Variants in GRIN2B observed in about 807,000 individuals in gnomAD.
GRIN2B encodes glutamate ionotropic receptor NMDA type subunit 2B.
Under a neutral mutation model 114.5 loss-of-function variants are expected in GRIN2B, and 5 were observed. The ratio of observed to expected loss-of-function variants is 0.04; its 90% CI spans 0.02 to 0.09. GRIN2B has a LOEUF of 0.09. Among genes scored for constraint, GRIN2B ranks in the 10% least tolerant of loss-of-function variants. GRIN2B has a pLI of 1.00. For missense variants in GRIN2B, 1,108 were observed against 1,943.5 expected (o/e 0.57, Z 8.08); for synonymous variants, 787 against 745.1 (o/e 1.06, Z -0.92).
In GRIN2B at chr12:13,961,196, A is replaced by G. The variant is rs113200004; in HGVS notation, c.-19+18732T>C. Reference sequence around the variant, plus strand: ...AAGCTGAATTCCAGTTCGAGGAAACAGAGTGGCAGGGGAGGGAAGGAAGGG... The same window carrying G: ...AAGCTGAATTCCAGTTCGAGGAAACGGAGTGGCAGGGGAGGGAAGGAAGGG... On this transcript the variant is annotated intron_variant, in intron 2 of 13. Coordinates refer to ENST00000609686, the MANE Select transcript of GRIN2B (RefSeq NM_000834.5). Among the ~76,000 whole-genome samples the G allele has an allele frequency of 2.6e-3, 392 of 152,242 alleles. 3 individuals are homozygous for G. The highest frequency in any genetic ancestry group is 9.1e-3 in the African/African-American group (376 of 41,532).
chr12:13,896,519 C>T (rs1002584132), intron 2 of GRIN2B, among the ~76,000 whole-genome samples: 2 of 152,138 alleles, frequency 1.3e-5, no homozygotes, highest in Admixed American at 6.5e-5. Context: ...GCCATAGTGG[C>T]GCCTGTAACG....
chr12:13,711,444 C>T (rs1464853305), intron 4 of GRIN2B, among the ~76,000 whole-genome samples: 1 of 152,034 alleles, frequency 6.6e-6, no homozygotes, highest in Non-Finnish European at 1.5e-5. Flanking sequence ...AACAGGCAAC[C>T]TACAGAATGG....
chr12:13,634,388 C>T (rs1189590291), intron 5 of GRIN2B: 4 of 152,186 alleles, frequency 2.6e-5, no homozygotes, highest in African/African-American at 9.7e-5. Flanking sequence ...ATTTCTAGCT[C>T]GTGTAACCAC....
At chr12:13,930,759 A>G (rs1045404351) in intron 2 of GRIN2B, among the ~76,000 whole-genome samples, 1 of 152,206 alleles carries the variant, frequency 6.6e-6, no homozygotes, top group African/African-American at 2.4e-5. Flanking sequence ...AGACCTTGGC[A>G]AGCCAAATCA....
At chr12:13,931,122 C>T (rs551038188) in intron 2 of GRIN2B, among the ~76,000 whole-genome samples, 1 of 152,190 alleles carries the variant, frequency 6.6e-6, no homozygotes, top group Admixed American at 6.5e-5. Context: ...GTGGTTTGAA[C>T]AGAAAAAATA....
intron 2 of GRIN2B, among the ~76,000 whole-genome samples, chr12:13,956,379 T>C (rs1030731435): frequency 6.6e-6 from 1 of 152,220 alleles, no homozygotes; most frequent in Non-Finnish European, 1.5e-5. Context: ...AGATCTCTGA[T>C]TTAAATGACA....
chr12:13,736,886 T>C (rs1863192889), intron 4 of GRIN2B, among the ~76,000 whole-genome samples: 2 of 151,626 alleles, frequency 1.3e-5, no homozygotes, highest in South Asian at 4.2e-4. Flanking sequence ...CCGGGCGTGG[T>C]GGTGCGTGCC....
chr12:13,791,320 C>T (rs770762618), intron 3 of GRIN2B, among the ~76,000 whole-genome samples: 17 of 151,706 alleles, frequency 1.1e-4, no homozygotes, highest in Admixed American at 1.3e-4. Context: ...GGTGTGGTGG[C>T]GGGCGCCTGT....
intron 3 of GRIN2B, among the ~76,000 whole-genome samples, chr12:13,789,201 C>T (rs1864274510): frequency 1.3e-5 from 2 of 152,192 alleles, no homozygotes; most frequent in African/African-American, 4.8e-5. Context: ...CAACAACAGC[C>T]TCTGTAGGAT....
At chr12:13,877,850 G>A (rs1044975685) in intron 2 of GRIN2B, among the ~76,000 whole-genome samples, 4 of 151,994 alleles carry the variant, frequency 2.6e-5, no homozygotes, top group African/African-American at 9.7e-5. Flanking sequence ...ATCACTTGAG[G>A]TCAGGAGATT....
intron 4 of GRIN2B, among the ~76,000 whole-genome samples, chr12:13,718,085 C>A (rs139029085): frequency 1.1e-4 from 16 of 152,182 alleles, no homozygotes; most frequent in African/African-American, 3.9e-4. Flanking sequence ...TTGCCTCTCA[C>A]AGACATGATT....
At chr12:13,695,960 C>T (rs1950255765) in intron 4 of GRIN2B, among the ~76,000 whole-genome samples, 1 of 152,084 alleles carries the variant, frequency 6.6e-6, no homozygotes, top group South Asian at 2.1e-4. Flanking sequence ...ATCAATTGCT[C>T]CCTGTGACTG....
chr12:13,797,954 C>T lies in GRIN2B; in HGVS notation c.412-44039G>A, dbSNP rs186426300. ...CCATCACACATCTCCTACCTATAAT[C>T]ACTTGCAGACTTCAGTTTGTAAGAA... On this transcript the variant is annotated intron_variant, in intron 3 of 13. Coordinates refer to ENST00000609686, the MANE Select transcript of GRIN2B (RefSeq NM_000834.5). Among the ~76,000 whole-genome samples the T allele has an allele frequency of 1.7e-3, 258 of 152,290 alleles. 1 individual carries two copies. Among genetic ancestry groups the T allele is most frequent in the African/African-American group, 5.9e-3 (246 of 41,568 alleles).
chr12:13,742,449 G>C (rs1220841532), intron 4 of GRIN2B, among the ~76,000 whole-genome samples: 1 of 151,950 alleles, frequency 6.6e-6, no homozygotes, highest in Non-Finnish European at 1.5e-5. Flanking sequence ...TTTTGTTTTT[G>C]AGACAGAGTC....
chr12:13,572,018 G>C, intron 10 of GRIN2B, 54 bp from the exon 11 acceptor site: 4 of 1,394,528 alleles, frequency 2.9e-6, no homozygotes, highest in Non-Finnish European at 4.0e-6. Context: ...GAGAGAGAGA[G>C]AGAAAAGTCA....
chr12:13,931,825 T>A (rs1565591247), intron 2 of GRIN2B, among the ~76,000 whole-genome samples: 1 of 152,148 alleles, frequency 6.6e-6, no homozygotes, highest in Admixed American at 6.5e-5. Flanking sequence ...GCAAGTTAAG[T>A]CAGCTGTACA....
At chr12:13,742,763 G>A (rs780125175) in intron 4 of GRIN2B, among the ~76,000 whole-genome samples, 6 of 152,272 alleles carry the variant, frequency 3.9e-5, no homozygotes, top group Admixed American at 6.5e-5. Flanking sequence ...GCACATTACT[G>A]CCCAGGTTAA....
At chr12:13,974,824 G>A (rs931295573) in intron 2 of GRIN2B, among the ~76,000 whole-genome samples, 1 of 151,840 alleles carries the variant, frequency 6.6e-6, no homozygotes, top group Non-Finnish European at 1.5e-5. Flanking sequence ...CTTAAATGTT[G>A]TTGAATAATT....
At chr12:13,766,181 G>GAATT (rs1863782879) in intron 3 of GRIN2B, among the ~76,000 whole-genome samples, 1 of 152,152 alleles carries the variant, frequency 6.6e-6, no homozygotes, top group African/African-American at 2.4e-5. Flanking sequence ...ATCAGGTGCT[G>GAATT]TAGGAAGTAG....
Sources: allele counts gnomAD v4.1 joint callset (sites outside exome capture counted in the v4.1 genomes callset), GRCh38; gene constraint gnomAD v4.1.1; transcripts MANE v1.5; gene names NCBI Gene and HGNC (gene_info 2026-07-23, HGNC 2026-07-21).